XYLT1: variants seen among roughly 807,000 people sequenced by gnomAD.
XYLT1 encodes the protein xylosyltransferase 1, also known as beta-D-xylosyltransferase 1.
In XYLT1, 36 loss-of-function variants were observed where a neutral mutation model predicts 91.3. The observed-to-expected ratio is 0.39, with a 90% CI of 0.30 to 0.52. The LOEUF (loss-of-function observed/expected upper bound fraction) is 0.52, where lower values mean the gene tolerates loss of function less well. Among genes scored for constraint, XYLT1 ranks in the 20% least tolerant of loss-of-function variants. The probability of loss-of-function intolerance (pLI) is 0.68; values close to 1 mark genes in which losing one functional copy is unlikely to be tolerated. For synonymous variants in XYLT1, 588 were observed against 532.0 expected (o/e 1.11, Z -1.45); for missense variants, 1,242 against 1,284.5 (o/e 0.97, Z 0.51).
At chr16:17,307,792 AT>A (rs2034489359) in intron 2 of XYLT1, among the ~76,000 whole-genome samples, 1 of 152,200 alleles carries the variant, frequency 6.6e-6, no homozygotes, top group Admixed American at 6.5e-5. Flanking sequence ...TATAAATGGA[AT>A]TCAACTGGGC....
chr16:17,461,463 G>A (rs369101154), intron 1 of XYLT1, among the ~76,000 whole-genome samples: 2 of 152,242 alleles, frequency 1.3e-5, no homozygotes, highest in Non-Finnish European at 2.9e-5. Context: ...GTTCACCAAG[G>A]TGGTTCCAGT....
intron 1 of XYLT1, among the ~76,000 whole-genome samples, chr16:17,359,632 C>G (rs1385254848): frequency 6.6e-6 from 1 of 152,208 alleles, no homozygotes; most frequent in Non-Finnish European, 1.5e-5. Context: ...TTCCCCCAGG[C>G]ATTGAGTCTT....
At chr16:17,109,154 T>G (rs1272796800) in intron 11 of XYLT1, 137 bp from the exon 12 acceptor site, 2 of 964,528 alleles carry the variant, frequency 2.1e-6, no homozygotes, top group Non-Finnish European at 2.8e-6. Flanking sequence ...CATGAGGAAG[T>G]TCTTTTAGCA....
At chr16:17,214,214 C>T (rs1253322031) in intron 3 of XYLT1, among the ~76,000 whole-genome samples, 11 of 152,186 alleles carry the variant, frequency 7.2e-5, no homozygotes, top group Admixed American at 6.5e-4. Flanking sequence ...ACACAGGTAG[C>T]CACTCTGGAA....
intron 9 of XYLT1, among the ~76,000 whole-genome samples, chr16:17,132,177 T>TGGGGATACATGC (rs1454398372): frequency 1.3e-5 from 2 of 152,308 alleles, no homozygotes; most frequent in East Asian, 3.9e-4. Context: ...CACTGTCTAC[T>TGGGGATACATGC]GGGGATACAT....
chr16:17,461,270 C>T lies in XYLT1; in HGVS notation c.363+9164G>A, dbSNP rs1016836807. Among the ~76,000 whole-genome samples the T allele has an allele frequency of 3.9e-5, 6 of 152,206 alleles. No individual in the cohort carries two copies. In the East Asian group the frequency reaches 7.7e-4, roughly 20 times the overall value. ...CTGAATCATACTACTTACTCCTTGC[C>T]CTGACCTTCCCAGAGGACACCTCCC... On this transcript the variant is annotated intron_variant, in intron 1 of 11. Transcript: ENST00000261381.
At chr16:17,304,031 A>C (rs531119318) in intron 2 of XYLT1, among the ~76,000 whole-genome samples, 1 of 152,248 alleles carries the variant, frequency 6.6e-6, no homozygotes, top group South Asian at 2.1e-4. Flanking sequence ...GTGCATGCAG[A>C]TATATATGAT....
At chr16:17,464,784 C>T (rs1455299774) in intron 1 of XYLT1, among the ~76,000 whole-genome samples, 1 of 152,002 alleles carries the variant, frequency 6.6e-6, no homozygotes, top group Non-Finnish European at 1.5e-5. Context: ...ATATAAATTG[C>T]ATGTCTGCTT....
intron 1 of XYLT1, among the ~76,000 whole-genome samples, chr16:17,417,491 G>C (rs28604283): frequency 7.9e-5 from 12 of 151,880 alleles, no homozygotes; most frequent in African/African-American, 2.9e-4. Context: ...TCCCATTCCT[G>C]CTTGCTCATC....
At chr16:17,333,121 T>C (rs996630035) in intron 2 of XYLT1, among the ~76,000 whole-genome samples, 9 of 152,160 alleles carry the variant, frequency 5.9e-5, no homozygotes, top group East Asian at 1.9e-4. Flanking sequence ...AAAACTGTGT[T>C]CCGGGCTTTT....
intron 6 of XYLT1, among the ~76,000 whole-genome samples, chr16:17,149,227 G>A (rs2031221437): frequency 6.6e-6 from 1 of 152,164 alleles, no homozygotes; most frequent in African/African-American, 2.4e-5. Context: ...TTAATTCACT[G>A]GCTACAATCT....
chr16:17,245,869 C>A (rs1305963438), intron 3 of XYLT1, among the ~76,000 whole-genome samples: 1 of 152,216 alleles, frequency 6.6e-6, no homozygotes, highest in Non-Finnish European at 1.5e-5. Context: ...CCGCGGCTGG[C>A]TATTTCTCAC....
intron 2 of XYLT1, among the ~76,000 whole-genome samples, chr16:17,330,630 TAA>T (rs58404938): frequency 2.2e-5 from 3 of 136,810 alleles, no homozygotes; most frequent in Admixed American, 7.3e-5. Context: ...CTACTAAAAA[TAA>T]AAAAAAAAAA....
At chr16:17,319,442 T>C (rs1056274565) in intron 2 of XYLT1, among the ~76,000 whole-genome samples, 1 of 151,704 alleles carries the variant, frequency 6.6e-6, no homozygotes, top group Non-Finnish European at 1.5e-5. Flanking sequence ...ACAGAGACCA[T>C]TCAGGAATTT....
intron 1 of XYLT1, among the ~76,000 whole-genome samples, chr16:17,398,414 G>T (rs2035917438): frequency 6.6e-6 from 1 of 152,158 alleles, no homozygotes; most frequent in Non-Finnish European, 1.5e-5. Context: ...AAACTTCGGT[G>T]GCCTACATGG....
intron 6 of XYLT1, among the ~76,000 whole-genome samples, chr16:17,152,710 G>A (rs570518575): frequency 3.3e-5 from 5 of 152,204 alleles, no homozygotes; most frequent in African/African-American, 4.8e-5. Flanking sequence ...ATGCCATCCC[G>A]GCCTCCAATA....
intron 1 of XYLT1, among the ~76,000 whole-genome samples, chr16:17,384,988 C>T (rs971833776): frequency 2.6e-5 from 4 of 151,796 alleles, no homozygotes; most frequent in Non-Finnish European, 5.9e-5. Context: ...TTAGTGCTGT[C>T]CTATTCCCAG....
intron 5 of XYLT1, among the ~76,000 whole-genome samples, chr16:17,184,836 C>T (rs1196381582): frequency 6.6e-6 from 1 of 152,182 alleles, no homozygotes; most frequent in Non-Finnish European, 1.5e-5. Context: ...TCACATTTTT[C>T]CCCAGGACTC....
At chr16:17,192,392 A>T (rs972766787) in intron 5 of XYLT1, among the ~76,000 whole-genome samples, 4 of 152,062 alleles carry the variant, frequency 2.6e-5, no homozygotes, top group Non-Finnish European at 5.9e-5. Context: ...ATGAGCCACC[A>T]CACCCAGCCG....
Sources: allele counts gnomAD v4.1 joint callset (sites outside exome capture counted in the v4.1 genomes callset), GRCh38; gene constraint gnomAD v4.1.1; transcripts MANE v1.5; gene names NCBI Gene and HGNC (gene_info 2026-07-23, HGNC 2026-07-21).